The following SPMAP2 variants were observed in gnomAD, a reference collection of about 807,000 sequenced individuals.
SPMAP2 encodes the protein Theg homolog.
chr19:365,793 G>A, the SPMAP2 span, among the ~76,000 whole-genome samples: 1 of 151,432 alleles, frequency 6.6e-6, no homozygotes, highest in African/African-American at 2.4e-5. Flanking sequence ...CCACACTCTC[G>A]CTCTAACCCC....
the SPMAP2 span, chr19:362,321 G>T: frequency 6.2e-7 from 1 of 1,610,454 alleles, no homozygotes; most frequent in Non-Finnish European, 8.5e-7. Flanking sequence ...TTTGGGCTTG[G>T]CCAGGGAGAT....
At chr19:368,275 C>T in the SPMAP2 span, among the ~76,000 whole-genome samples, 3 of 152,284 alleles carry the variant, frequency 2.0e-5, no homozygotes, top group East Asian at 5.8e-4. The surrounding 1 kb of genome is among the most constrained non-coding windows in gnomAD (Gnocchi z 4.1). Flanking sequence ...TACTGCGCGG[C>T]GCTCAGACAC....
chr19:366,591 G>A, the SPMAP2 span, among the ~76,000 whole-genome samples: 11 of 152,288 alleles, frequency 7.2e-5, no homozygotes, highest in East Asian at 1.3e-3. Context: ...TGTGCAATGT[G>A]TTCAACAAGG....
At chr19:370,298 T>C in the SPMAP2 span, among the ~76,000 whole-genome samples, 2 of 152,004 alleles carry the variant, frequency 1.3e-5, no homozygotes. Flanking sequence ...CCTGGAGATA[T>C]GGAAACTTAC....
the SPMAP2 span, among the ~76,000 whole-genome samples, chr19:369,342 C>G: frequency 6.6e-6 from 1 of 151,958 alleles, no homozygotes; most frequent in Admixed American, 6.6e-5. Context: ...GAGCTCAATC[C>G]CCGCCCGGAG....
the SPMAP2 span, among the ~76,000 whole-genome samples, chr19:364,104 C>T: frequency 2.3e-3 from 344 of 151,314 alleles, no homozygotes; most frequent in African/African-American, 7.2e-3. Flanking sequence ...GAGGCCGAGG[C>T]GGGCGGATCA....
chr19:372,356 G>A, the SPMAP2 span, among the ~76,000 whole-genome samples: 1 of 152,374 alleles, frequency 6.6e-6, no homozygotes, highest in South Asian at 2.1e-4. Context: ...CACGCACTGT[G>A]TCAGGCGCTG....
chr19:374,521 C>CA, the SPMAP2 span: 1 of 1,494,524 alleles, frequency 6.7e-7, no homozygotes, highest in Non-Finnish European at 9.0e-7. Flanking sequence ...CTTTTGTCTG[C>CA]ACTCACCCTG....
the SPMAP2 span, chr19:362,505 C>G: frequency 8.4e-7 from 1 of 1,189,524 alleles, no homozygotes; most frequent in Non-Finnish European, 1.2e-6. Flanking sequence ...TGGGAGCTCA[C>G]ACCTGGAATC....
chr19:370,155 AG>A, the SPMAP2 span, among the ~76,000 whole-genome samples: 1 of 152,226 alleles, frequency 6.6e-6, no homozygotes, highest in Non-Finnish European at 1.5e-5. Flanking sequence ...GACGGCGGCC[AG>A]GATGGGGAGA....
At chr19:375,577 G>T in the SPMAP2 span, 95 of 1,370,704 alleles carry the variant, frequency 6.9e-5, no homozygotes, top group Non-Finnish European at 8.3e-5. Flanking sequence ...CCTTTCGCCC[G>T]CCCAGGGGGC....
the SPMAP2 span, chr19:375,646 C>G: frequency 2.6e-6 from 4 of 1,536,368 alleles, no homozygotes; most frequent in Non-Finnish European, 3.5e-6. Flanking sequence ...CAGGCAGGCC[C>G]GTTCCCCGGT....
At chr19:367,267 T>C in the SPMAP2 span, 2 of 1,528,060 alleles carry the variant, frequency 1.3e-6, no homozygotes, top group Non-Finnish European at 1.8e-6. Flanking sequence ...AAACAGTCCA[T>C]GATGCCTCGT....
the SPMAP2 span, among the ~76,000 whole-genome samples, chr19:364,059 C>A: frequency 6.6e-6 from 1 of 151,648 alleles, no homozygotes; most frequent in Non-Finnish European, 1.5e-5. Flanking sequence ...TTCGGTTGGG[C>A]GCGGTGGCTC....
chr19:364,069 C>G, the SPMAP2 span, among the ~76,000 whole-genome samples: 3 of 151,848 alleles, frequency 2.0e-5, no homozygotes, highest in East Asian at 3.9e-4. Flanking sequence ...CGCGGTGGCT[C>G]ATGCCTGTAA....
chr19:373,624 GT>G, the SPMAP2 span: 25 of 1,295,656 alleles, frequency 1.9e-5, no homozygotes, highest in African/African-American at 4.4e-5. Context: ...GGTGGCCGAG[GT>G]GGGGTGTGGA....
the SPMAP2 span, among the ~76,000 whole-genome samples, chr19:363,057 G>A: frequency 2.0e-5 from 3 of 152,214 alleles, no homozygotes; most frequent in Non-Finnish European, 4.4e-5. Context: ...CTGGGAGACG[G>A]GAATGGGGAG....
the SPMAP2 span, chr19:371,390 G>GTC: frequency 1.6e-6 from 1 of 634,804 alleles, no homozygotes; most frequent in Non-Finnish European, 2.5e-6. Context: ...GTGTGTGTGT[G>GTC]TGTGTGTGTG....
At chr19:374,031 G>C in the SPMAP2 span, 143 of 1,610,190 alleles carry the variant, frequency 8.9e-5, no homozygotes, top group Non-Finnish European at 1.2e-4. Flanking sequence ...GACAGGGTCC[G>C]AGCCCCACTG....
Sources: allele counts gnomAD v4.1 joint callset (sites outside exome capture counted in the v4.1 genomes callset), GRCh38; gene constraint gnomAD v4.1.1; non-coding constraint Gnocchi (gnomAD v3.1); transcripts MANE v1.5; gene names NCBI Gene and HGNC (gene_info 2026-07-23, HGNC 2026-07-21).